SMURF2: variants seen among roughly 807,000 people sequenced by gnomAD.
SMURF2 encodes SMAD specific E3 ubiquitin protein ligase 2, also known as E3 ubiquitin-protein ligase SMURF2.
SMURF2 carries 48 observed loss-of-function variants against 109.6 expected under a neutral mutation model. The observed-to-expected ratio is 0.44, with a 90% CI of 0.35 to 0.56. SMURF2 has a LOEUF of 0.56. Among genes scored for constraint, SMURF2 ranks in the 20% least tolerant of loss-of-function variants. The pLI, the probability that SMURF2 is intolerant of heterozygous loss-of-function variation, is 0.01. For missense variants in SMURF2, 575 were observed against 909.0 expected (o/e 0.63, Z 4.72); for synonymous variants, 288 against 317.1 (o/e 0.91, Z 0.97).
Position 64,555,886 on chromosome 17 carries a change from T to C in SMURF2, c.1544A>G (p.Lys515Arg). Residue 515 changes from lysine (K) to arginine (R), a missense_variant, in exon 14 of 19, where the codon AAG becomes AGG. Physicochemically the swap from Lys to Arg is conservative, Grantham distance 26. Around this residue, in one of 5 missense-constraint regions of SMURF2, gnomAD observed 361 missense variants for 612.1 expected, o/e 0.59. Transcript: ENST00000262435. ...CTCCATGTCATCCAAGGTAATTGACTTCCCAAGCAATTGCTTATAAAAAGG... is the reference window on the plus strand; with the variant it reads ...CTCCATGTCATCCAAGGTAATTGACCTCCCAAGCAATTGCTTATAAAAAGG... ...TLPFYKQLLGKSITLDDMELV... is the reference protein window; with the variant it reads ...TLPFYKQLLGRSITLDDMELV... 1 of 1,613,768 alleles carries C rather than the reference T, an allele frequency of 6.2e-7. No individual in the cohort carries two copies.
chr17:64,656,152 A>G (rs1046105351), intron 1 of SMURF2, among the ~76,000 whole-genome samples: 4 of 152,254 alleles, frequency 2.6e-5, no homozygotes, highest in Admixed American at 6.5e-5. Context: ...TTCTTGGAGA[A>G]TAAGTTCTTC....
At chr17:64,641,721 G>A (rs1237827921) in intron 1 of SMURF2, among the ~76,000 whole-genome samples, 1 of 152,022 alleles carries the variant, frequency 6.6e-6, no homozygotes, top group Non-Finnish European at 1.5e-5. Context: ...CCACCCCCCA[G>A]CAATTCCAGT....
chr17:64,606,435 C>T (rs990172347), intron 2 of SMURF2, among the ~76,000 whole-genome samples, 167 bp downstream of exon 2: 2 of 151,736 alleles, frequency 1.3e-5, no homozygotes, highest in Non-Finnish European at 2.9e-5. Context: ...AGCACAAAAC[C>T]TTCTAAAAAA....
At chr17:64,546,414 G>C in intron 17 of SMURF2, 76 bp from the exon 18 acceptor site, 1 of 1,297,872 alleles carries the variant, frequency 7.7e-7, no homozygotes, top group African/African-American at 1.5e-5. Flanking sequence ...AATAAAACTG[G>C]TAAGTTAACC....
At chr17:64,584,044 G>A (rs1199556672) in intron 6 of SMURF2, among the ~76,000 whole-genome samples, 2 of 152,048 alleles carry the variant, frequency 1.3e-5, no homozygotes, top group Non-Finnish European at 2.9e-5. Flanking sequence ...TCTCACGTCT[G>A]TAATTCCAGC....
At chr17:64,660,740 C>T (rs1164943945) in intron 1 of SMURF2, 3 of 152,160 alleles carry the variant, frequency 2.0e-5, no homozygotes, top group Non-Finnish European at 2.9e-5. Context: ...TCTTTCTCAC[C>T]ACTCACCCGA....
At chr17:64,637,766 G>A (rs1458719759) in intron 1 of SMURF2, among the ~76,000 whole-genome samples, 1 of 151,782 alleles carries the variant, frequency 6.6e-6, no homozygotes, top group Non-Finnish European at 1.5e-5. Context: ...GTTTCACCAT[G>A]TGGACCGTGC....
intron 4 of SMURF2, chr17:64,593,132 T>C (rs1240073224): frequency 6.4e-6 from 1 of 157,372 alleles, no homozygotes; most frequent in East Asian, 1.8e-4. Context: ...CAATCATTTC[T>C]TAATACTTTT....
rs782736329 is a variant in SMURF2 at position 64,591,104 on chromosome 17, G to A, written c.380C>T (p.Thr127Ile). The A allele has an allele frequency of 6.2e-7, 1 of 1,612,862 alleles. No homozygotes were observed. The highest frequency in any genetic ancestry group is 1.7e-5 in the Admixed American group (1 of 59,902). Residue 127 changes from threonine to isoleucine, a missense_variant, in exon 5 of 19, where the codon ACA (threonine) becomes ATA (isoleucine). Physicochemically the swap from Thr to Ile is moderately conservative, Grantham distance 89. Around this residue, in one of 5 missense-constraint regions of SMURF2, gnomAD observed 151 missense variants for 178.4 expected, o/e 0.85. Transcript: ENST00000262435. Reference sequence around the variant, plus strand: ...CTTACCTACTATCTGTCCTCTAACTGTATCATTGTCATTTGGCCCGAGTTT... The same window carrying A: ...CTTACCTACTATCTGTCCTCTAACTATATCATTGTCATTTGGCCCGAGTTT... ...LCKLGPNDNDTVRGQIVVSLQ... is the reference protein window; with the variant it reads ...LCKLGPNDNDIVRGQIVVSLQ...
chr17:64,654,887 G>C (rs543719312), intron 1 of SMURF2, among the ~76,000 whole-genome samples: 15 of 152,030 alleles, frequency 9.9e-5, no homozygotes, highest in South Asian at 2.1e-4. Flanking sequence ...ATGTTGCCCA[G>C]GCTGGTCTCG....
At chr17:64,625,322 T>G (rs1215227157) in intron 1 of SMURF2, among the ~76,000 whole-genome samples, 3 of 152,226 alleles carry the variant, frequency 2.0e-5, no homozygotes, top group African/African-American at 7.2e-5. Context: ...AGCACTGTCA[T>G]ATGCCAAAAA....
At chr17:64,588,548 CAT>C (rs1224352457) in intron 5 of SMURF2, among the ~76,000 whole-genome samples, 1 of 151,816 alleles carries the variant, frequency 6.6e-6, no homozygotes, top group Non-Finnish European at 1.5e-5. Context: ...GAATTAAAGA[CAT>C]ATACATTTTA....
At chr17:64,641,037 A>C (rs953684253) in intron 1 of SMURF2, among the ~76,000 whole-genome samples, 5 of 151,160 alleles carry the variant, frequency 3.3e-5, no homozygotes, top group South Asian at 2.1e-4. Context: ...AAATCATTCC[A>C]AAAAAAAACA....
At chr17:64,634,584 T>C (rs1415314962) in intron 1 of SMURF2, among the ~76,000 whole-genome samples, 2 of 152,188 alleles carry the variant, frequency 1.3e-5, no homozygotes, top group East Asian at 3.8e-4. Context: ...TATATTCCAC[T>C]TTCTCAGCTA....
chr17:64,552,671 A>T (rs1486094286), intron 15 of SMURF2, among the ~76,000 whole-genome samples: 1 of 152,136 alleles, frequency 6.6e-6, no homozygotes, highest in Non-Finnish European at 1.5e-5. Context: ...AGACACTGCT[A>T]AGACTTAGGA....
intron 3 of SMURF2, 77 bp from the exon 4 acceptor site, chr17:64,593,650 A>T: frequency 7.6e-7 from 1 of 1,308,250 alleles, no homozygotes; most frequent in Non-Finnish European, 1.0e-6. Flanking sequence ...TGTTCTTTTT[A>T]TATTCTAAAG....
intron 1 of SMURF2, among the ~76,000 whole-genome samples, chr17:64,607,582 C>A (rs1379802318): frequency 6.7e-6 from 1 of 149,796 alleles, no homozygotes; most frequent in Non-Finnish European, 1.5e-5. Flanking sequence ...GCCAAGATTG[C>A]GCCACTGCAC....
intron 1 of SMURF2, among the ~76,000 whole-genome samples, chr17:64,611,262 T>G (rs1275280664): frequency 2.0e-5 from 3 of 152,286 alleles, no homozygotes; most frequent in African/African-American, 7.2e-5. Flanking sequence ...CTTAATAGAT[T>G]GACAGAACTC....
chr17:64,559,064 C>T (rs1969169526), intron 12 of SMURF2, among the ~76,000 whole-genome samples: 1 of 152,120 alleles, frequency 6.6e-6, no homozygotes, highest in African/African-American at 2.4e-5. Context: ...GTAACGTCTC[C>T]ACATAAGCAG....
Sources: allele counts gnomAD v4.1 joint callset (sites outside exome capture counted in the v4.1 genomes callset), GRCh38; gene constraint gnomAD v4.1.1; regional missense constraint gnomAD v4.1.1; transcripts MANE v1.5; gene names NCBI Gene and HGNC (gene_info 2026-07-23, HGNC 2026-07-21).